MBNL2: variants seen among roughly 807,000 people sequenced by gnomAD.
The protein encoded by MBNL2 is muscleblind-like protein 2.
Under a neutral mutation model 41.9 loss-of-function variants are expected in MBNL2, and 17 were observed. The observed-to-expected ratio is 0.41, with a 90% CI of 0.28 to 0.61. MBNL2 has a LOEUF of 0.61. Among genes scored for constraint, MBNL2 ranks in the 20% least tolerant of loss-of-function variants. The probability of loss-of-function intolerance (pLI) is 0.35; values close to 1 mark genes in which losing one functional copy is unlikely to be tolerated. For synonymous variants in MBNL2, 195 were observed against 182.9 expected, an observed-to-expected ratio of 1.07 and a Z score of -0.53; for missense variants, 336 against 505.6, an observed-to-expected ratio of 0.66 and a Z score of 3.22.
chr13:97,175,301 C>G, the MBNL2 span, among the ~76,000 whole-genome samples: 4 of 152,306 alleles, frequency 2.6e-5, no homozygotes, highest in Admixed American at 2.0e-4. Context: ...TACTTCTTCC[C>G]CGTTTATCCT....
chr13:97,367,214 T>C (rs1594274506), intron 8 of MBNL2, among the ~76,000 whole-genome samples: 1 of 152,206 alleles, frequency 6.6e-6, no homozygotes, highest in Non-Finnish European at 1.5e-5. Flanking sequence ...AGTGAGACCA[T>C]GGATGTACTA....
chr13:97,267,091 A>G (rs1185838704), intron 1 of MBNL2, among the ~76,000 whole-genome samples: 1 of 152,198 alleles, frequency 6.6e-6, no homozygotes, highest in East Asian at 1.9e-4. Context: ...TTTTTCCCTT[A>G]AAAAATGTAC....
chr13:97,144,224 G>A, the MBNL2 span, among the ~76,000 whole-genome samples: 15 of 152,148 alleles, frequency 9.9e-5, no homozygotes, highest in East Asian at 1.2e-3. Flanking sequence ...CAGAAACCTC[G>A]CCTTAGCAGC....
At chr13:97,158,492 T>C in the MBNL2 span, among the ~76,000 whole-genome samples, 3 of 152,068 alleles carry the variant, frequency 2.0e-5, no homozygotes, top group Non-Finnish European at 4.4e-5. Flanking sequence ...GATGTTAGGG[T>C]GTCAATTTTG....
chr13:97,343,132 G>A lies in MBNL2; in HGVS notation c.456G>A (p.Thr152=), dbSNP rs35116734. 8,406 of 1,613,954 alleles carry A rather than the reference G, an allele frequency of 5.2e-3. 152 individuals carry two copies. The highest frequency in any genetic ancestry group is 0.047 in the African/African-American group (3,553 of 74,946). The change falls in exon 4 of 9, where the codon ACG becomes ACA. Residue 152 remains threonine (T), a synonymous_variant. Transcript: ENST00000679496. ...GLVPTEILPT[T]PVIVPGSPPV... ...TCCCAACGGAAATTCTGCCCACCAC[G>A]CCTGTTATTGTTCCCGGAAGTCCAC... is the stretch of plus-strand genomic sequence containing the variant.
At chr13:97,203,966 TTGGA>T in the MBNL2 span, among the ~76,000 whole-genome samples, 2 of 151,298 alleles carry the variant, frequency 1.3e-5, no homozygotes, top group African/African-American at 4.9e-5. Flanking sequence ...AGATGGATGG[TTGGA>T]TGGATGGATG....
At chr13:97,343,875 T>C (rs1170843656) in intron 4 of MBNL2, among the ~76,000 whole-genome samples, 2 of 152,210 alleles carry the variant, frequency 1.3e-5, no homozygotes, top group Non-Finnish European at 2.9e-5. Flanking sequence ...GGTGCAATCT[T>C]GGCTCACCAC....
chr13:97,264,177 G>A (rs926492710), intron 1 of MBNL2, among the ~76,000 whole-genome samples: 14 of 151,664 alleles, frequency 9.2e-5, no homozygotes, highest in East Asian at 1.9e-4. Flanking sequence ...ACAGGTTCCC[G>A]CCACCACGCC....
chr13:97,202,351 G>A, the MBNL2 span, among the ~76,000 whole-genome samples: 1 of 152,210 alleles, frequency 6.6e-6, no homozygotes, highest in African/African-American at 2.4e-5. Context: ...TTAAGGTGAT[G>A]AGTTTAGGCT....
chr13:97,242,336 A>G (rs1235169813), intron 1 of MBNL2, among the ~76,000 whole-genome samples: 1 of 152,216 alleles, frequency 6.6e-6, no homozygotes, highest in African/African-American at 2.4e-5. Flanking sequence ...GCATTAGGCA[A>G]CTGAGACACA....
the MBNL2 span, among the ~76,000 whole-genome samples, chr13:97,192,175 A>T: frequency 6.6e-6 from 1 of 152,238 alleles, no homozygotes; most frequent in Non-Finnish European, 1.5e-5. Flanking sequence ...ACTGAAGCAG[A>T]AAGAATATTA....
chr13:97,281,284 A>AGGT (rs2053368615), intron 2 of MBNL2, among the ~76,000 whole-genome samples: 1 of 152,332 alleles, frequency 6.6e-6, no homozygotes, highest in South Asian at 2.1e-4. Context: ...GGAGTTGTGC[A>AGGT]GTGGACAACC....
chr13:97,391,533 C>T lies in MBNL2; in HGVS notation c.*84C>T. On this transcript the variant is annotated 3_prime_UTR_variant, in exon 9 of 9. Transcript: ENST00000679496. Reference sequence around the variant, plus strand: ...ATATATGAGTATTAAATATGGTATGCTTAGTATATTCCAACCTAAGATAGT... The same window carrying T: ...ATATATGAGTATTAAATATGGTATGTTTAGTATATTCCAACCTAAGATAGT... 1 of 742,424 alleles carries T rather than the reference C, an allele frequency of 1.3e-6. No homozygotes were observed. The highest frequency in any genetic ancestry group is 2.5e-5 in the East Asian group (1 of 39,384). 46.0% of individuals were successfully genotyped at this position (742,424 alleles called of 1,614,324 possible).
chr13:97,260,088 A>C (rs2048323520), intron 1 of MBNL2, among the ~76,000 whole-genome samples: 1 of 152,198 alleles, frequency 6.6e-6, no homozygotes, highest in Non-Finnish European at 1.5e-5. Flanking sequence ...CTTTGGAGGG[A>C]AATAAAGCAC....
chr13:97,378,686 A>C (rs1566451651), intron 8 of MBNL2, among the ~76,000 whole-genome samples: 1 of 152,164 alleles, frequency 6.6e-6, no homozygotes, highest in Non-Finnish European at 1.5e-5. Flanking sequence ...TTTCCAACAT[A>C]CGGGGTGCCA....
intron 2 of MBNL2, among the ~76,000 whole-genome samples, chr13:97,283,271 A>G (rs963594636): frequency 6.6e-6 from 1 of 151,932 alleles, no homozygotes; most frequent in African/African-American, 2.4e-5. Flanking sequence ...TCATGCATTC[A>G]TTTCCCACCT....
At chr13:97,195,593 A>G in the MBNL2 span, among the ~76,000 whole-genome samples, 1 of 152,204 alleles carries the variant, frequency 6.6e-6, no homozygotes, top group Admixed American at 6.5e-5. Context: ...TATGTTGATA[A>G]TTTTAGGCTA....
At chr13:97,195,587 T>A in the MBNL2 span, among the ~76,000 whole-genome samples, 1 of 152,208 alleles carries the variant, frequency 6.6e-6, no homozygotes, top group African/African-American at 2.4e-5. Context: ...AATCAGTATG[T>A]TGATAATTTT....
intron 2 of MBNL2, among the ~76,000 whole-genome samples, chr13:97,312,244 G>A (rs768986450): frequency 6.6e-6 from 1 of 152,184 alleles, no homozygotes; most frequent in Non-Finnish European, 1.5e-5. Flanking sequence ...AATGGAATAA[G>A]GGGACGGAAA....
Sources: allele counts gnomAD v4.1 joint callset (sites outside exome capture counted in the v4.1 genomes callset), GRCh38; gene constraint gnomAD v4.1.1; transcripts MANE v1.5; gene names NCBI Gene and HGNC (gene_info 2026-07-23, HGNC 2026-07-21).